The following MEGF10 variants were observed in gnomAD, a reference collection of about 807,000 sequenced individuals.
MEGF10 encodes multiple EGF like domains 10.
MEGF10 carries 86 observed loss-of-function variants against 147.5 expected under a neutral mutation model. The observed-to-expected ratio is 0.58, with a 90% CI of 0.49 to 0.70. The LOEUF is 0.70. MEGF10 is among the 30% of genes least tolerant of loss of function. The pLI is 0.00. For synonymous variants in MEGF10, 478 were observed against 525.5 expected, an observed-to-expected ratio of 0.91 and a Z score of 1.24; for missense variants, 1,329 against 1,487.3, an observed-to-expected ratio of 0.89 and a Z score of 1.75.
At chr5:127,309,089 T>G (rs1463178821) in intron 1 of MEGF10, among the ~76,000 whole-genome samples, 1 of 152,156 alleles carries the variant, frequency 6.6e-6, no homozygotes, top group Admixed American at 6.5e-5. Context: ...CTCCTTCCAC[T>G]TTCAAGTCCT....
chr5:127,283,928 A>T, the MEGF10 span, among the ~76,000 whole-genome samples: 2 of 152,220 alleles, frequency 1.3e-5, no homozygotes, highest in Non-Finnish European at 2.9e-5. Context: ...GGGGAAATAA[A>T]CGGATGAATT....
chr5:127,387,380 T>A (rs1763471867), intron 5 of MEGF10, among the ~76,000 whole-genome samples: 1 of 152,344 alleles, frequency 6.6e-6, no homozygotes, highest in African/African-American at 2.4e-5. Flanking sequence ...ATGGACATGA[T>A]AGGATATTCC....
intron 8 of MEGF10, among the ~76,000 whole-genome samples, chr5:127,407,254 AATGAAGAATGTG>A (rs1257633264): frequency 3.9e-5 from 6 of 152,168 alleles, no homozygotes; most frequent in Non-Finnish European, 5.9e-5. Flanking sequence ...TTCCAGGTTT[AATGAAGAATGTG>A]ATTCTTTCAC....
At chr5:127,242,471 G>C in the MEGF10 span, among the ~76,000 whole-genome samples, 83,710 of 152,040 alleles carry the variant, frequency 0.55, 23,459 homozygotes, top group Middle Eastern at 0.71. Flanking sequence ...AAATTGTAAT[G>C]TAGGTAAAAT....
In MEGF10 at chr5:127,449,222, G is replaced by T. The variant is rs559266378; in HGVS notation, c.2980G>T (p.Gly994Cys). ...ACATGGCGGCTACCTCAACGAGCTC[G>T]GTGAGTTCTCCCAACGCACGTCCCC... ...WKHGGYLNEL[G>C]AFGLDRSYMG... The change falls in exon 22 of 25, where the codon GGT becomes TGT. Residue 994 changes from glycine (G) to cysteine (C), a missense_variant and splice_region_variant. Physicochemically the swap from Gly to Cys is radical, Grantham distance 159 (BLOSUM62 -3). Transcript: ENST00000503335. The T allele has an allele frequency of 1.2e-6, 2 of 1,613,296 alleles. No individual in the cohort carries two copies. Among genetic ancestry groups the T allele is most frequent in the East Asian group, 2.2e-5 (1 of 44,874 alleles).
chr5:127,247,264 C>CAGCA, the MEGF10 span, among the ~76,000 whole-genome samples: 5 of 132,720 alleles, frequency 3.8e-5, no homozygotes, highest in South Asian at 1.0e-3. Flanking sequence ...TTCCAAAAGA[C>CAGCA]AGCAAAGTGT....
intron 1 of MEGF10, among the ~76,000 whole-genome samples, chr5:127,320,321 C>T (rs1760741325): frequency 6.6e-6 from 1 of 152,024 alleles, no homozygotes; most frequent in South Asian, 2.1e-4. Context: ...AACCAGGAGA[C>T]ACAGGGAAAT....
chr5:127,422,636 C>T, intron 12 of MEGF10, 34 bp from the exon 13 acceptor site: 1 of 1,565,290 alleles, frequency 6.4e-7, no homozygotes, highest in Middle Eastern at 1.7e-4. Context: ...TTCCCAGGCC[C>T]TCATTGCTGC....
At chr5:127,396,447 G>C in intron 5 of MEGF10, 85 bp from the exon 6 acceptor site, 1 of 1,441,836 alleles carries the variant, frequency 6.9e-7, no homozygotes, top group Non-Finnish European at 9.3e-7. Context: ...GCCATGAGAG[G>C]TCACCAAGCC....
chr5:127,419,128 C>G lies in MEGF10; in HGVS notation c.1314C>G (p.Asp438Glu), dbSNP rs1426496830. 2.5e-6 allele frequency: 4 copies of G among 1,605,680 alleles called. No homozygotes were observed. Among genetic ancestry groups the G allele is most frequent in the Non-Finnish European group, 3.4e-6 (4 of 1,177,854 alleles). Reference protein sequence around the residue: ...CTCAPGFKGIDCSTPCPLGTY... With the variant: ...CTCAPGFKGIECSTPCPLGTY... ...TACTTGTGCCTGTCTAGGGAATTGA[C>G]TGCTCTACCCCATGCCCTCTGGGAA... Residue 438 changes from aspartate (D) to glutamate (E), a missense_variant, in exon 11 of 25, where the codon GAC becomes GAG. By Grantham distance (45) the Asp-to-Glu change is conservative. This residue lies in a region of MEGF10 where 980 missense variants were observed against 1,085.9 expected (regional missense o/e 0.90). Transcript: ENST00000503335.
chr5:127,260,998 C>T, the MEGF10 span, among the ~76,000 whole-genome samples: 1 of 152,114 alleles, frequency 6.6e-6, no homozygotes, highest in Non-Finnish European at 1.5e-5. Flanking sequence ...TAGTGCAGTT[C>T]CTATGGGGCG....
rs970591726 is a variant in MEGF10 at position 127,454,577 on chromosome 5, C to T, written c.2992C>T (p.Leu998Phe). 5.0e-6 allele frequency: 8 copies of T among 1,608,534 alleles called. No individual in the cohort carries two copies. Among genetic ancestry groups the T allele is most frequent in the Non-Finnish European group, 6.8e-6 (8 of 1,178,124 alleles). Residue 998 changes from leucine (L) to phenylalanine (F), a missense_variant, in exon 23 of 25, where the codon CTT becomes TTT. Transcript: ENST00000503335. ...GYLNELGAFGLDRSYMGKSLK... is the reference protein window; with the variant it reads ...GYLNELGAFGFDRSYMGKSLK... ...TTCCTTTATTACAGGTGCTTTTGGA[C>T]TTGACAGAAGCTATATGGGAAAATC... is the stretch of plus-strand genomic sequence containing the variant.
chr5:127,455,398 C>A lies in MEGF10; in HGVS notation c.3026-3C>A, dbSNP rs1766320254. 6.2e-7 allele frequency: 1 copy of A among 1,612,780 alleles called. No individual in the cohort carries two copies. On this transcript the variant is annotated splice_region_variant and splice_polypyrimidine_tract_variant and intron_variant, in intron 23 of 24. Coordinates refer to ENST00000503335, the MANE Select transcript of MEGF10 (RefSeq NM_001256545.2). ...AGCTTTCTCTTCTCATTTCTCTTCA[C>A]AGACCTGGGAAAGAATTCTGAATAT...
At chr5:127,418,731 G>A (rs1764871313) in intron 10 of MEGF10, among the ~76,000 whole-genome samples, 1 of 152,158 alleles carries the variant, frequency 6.6e-6, no homozygotes, top group Admixed American at 6.5e-5. Context: ...AGGAAGGGTT[G>A]AGATCTAATG....
chr5:127,229,950 G>T, the MEGF10 span: 1 of 152,104 alleles, frequency 6.6e-6, no homozygotes, highest in African/African-American at 2.4e-5. Context: ...CTTTATTCCT[G>T]AAAGCAAAAA....
At chr5:127,308,567 C>T (rs964001764) in intron 1 of MEGF10, among the ~76,000 whole-genome samples, 1 of 152,120 alleles carries the variant, frequency 6.6e-6, no homozygotes, top group African/African-American at 2.4e-5. Flanking sequence ...TTTGTAGGGA[C>T]ATGGATGAAG....
chr5:127,246,938 T>TATAATAG, the MEGF10 span, among the ~76,000 whole-genome samples: 1 of 111,250 alleles, frequency 9.0e-6, no homozygotes, highest in African/African-American at 3.6e-5. Context: ...TAATATATGA[T>TATAATAG]TATATTATAT....
At chr5:127,309,279 C>T (rs1033477013) in intron 1 of MEGF10, among the ~76,000 whole-genome samples, 13 of 152,300 alleles carry the variant, frequency 8.5e-5, no homozygotes, top group Non-Finnish European at 1.5e-4. Context: ...TAAAATATTG[C>T]GGTAAAATGC....
chr5:127,442,889 A>T, intron 18 of MEGF10, 109 bp from the exon 19 acceptor site: 3 of 1,178,710 alleles, frequency 2.5e-6, no homozygotes, highest in Non-Finnish European at 3.6e-6. Context: ...CAGCCTCAAT[A>T]GGAATCCCCT....
Sources: gnomAD v4.1 joint callset for allele counts (sites outside exome capture counted in the v4.1 genomes callset) on GRCh38, gnomAD v4.1.1 for gene constraint, gnomAD v4.1.1 regional missense constraint, MANE v1.5 for transcripts, NCBI Gene and HGNC (gene_info 2026-07-23, HGNC 2026-07-21) for gene names.